The following MAD2L2 variants were observed in gnomAD, a reference collection of about 807,000 sequenced individuals.
MAD2L2 encodes the protein mitotic spindle assembly checkpoint protein MAD2B.
Under a neutral mutation model 30.5 loss-of-function variants are expected in MAD2L2, and 17 were observed. That is an observed-to-expected ratio of 0.56 (90% CI 0.38 to 0.84). The LOEUF is 0.84. Among genes scored for constraint, MAD2L2 ranks in the 40% least tolerant of loss-of-function variants. The pLI, the probability that MAD2L2 is intolerant of heterozygous loss-of-function variation, is 0.00. For missense variants in MAD2L2, 213 were observed against 277.4 expected, an observed-to-expected ratio of 0.77 and a Z score of 1.65; for synonymous variants, 101 against 113.9, an observed-to-expected ratio of 0.89 and a Z score of 0.72.
chr1:11,685,755 G>A (rs1459119087), upstream of MAD2L2, among the ~76,000 whole-genome samples: 8 of 152,004 alleles, frequency 5.3e-5, no homozygotes, highest in African/African-American at 1.7e-4. Flanking sequence ...TCAGGACTTC[G>A]AGACCAGCCT....
upstream of MAD2L2, among the ~76,000 whole-genome samples, chr1:11,685,255 G>C (rs1640939223): frequency 1.3e-5 from 2 of 152,106 alleles, no homozygotes; most frequent in Non-Finnish European, 2.9e-5. Context: ...CAGCAAATGT[G>C]TGTCAAATGA....
chr1:11,684,583 C>T (rs1285150946), upstream of MAD2L2, among the ~76,000 whole-genome samples: 1 of 152,098 alleles, frequency 6.6e-6, no homozygotes, highest in African/African-American at 2.4e-5. Flanking sequence ...AAGAGGAAGA[C>T]CTGCTCGGGC....
At chr1:11,675,046 C>G (rs1640733748) in intron 8 of MAD2L2, 36 bp downstream of exon 8, 1 of 1,527,292 alleles carries the variant, frequency 6.5e-7, no homozygotes, top group Admixed American at 1.9e-5. Flanking sequence ...TTAAGCAGCC[C>G]CTAAATAAAG....
At position 11,674,767 on chromosome 1, in the gene MAD2L2, G is replaced by A. The variant is rs749227342; in HGVS notation, c.*8C>T. ...AGTTTGGGCATCAGTGGGGTGGCAG[G>A]TGCCCCCTCAGCTGCCTTTATGAGC... On this transcript the variant is annotated 3_prime_UTR_variant, in exon 9 of 9. Coordinates refer to ENST00000376692, the MANE Select transcript of MAD2L2 (RefSeq NM_006341.4). This position sits in a 1 kb window ranked among gnomAD's most constrained non-coding sequence, Gnocchi z 6.1. The A allele has an allele frequency of 1.2e-6, 2 of 1,613,438 alleles. No individual in the cohort carries two copies. The highest frequency in any genetic ancestry group is 1.7e-6 in the Non-Finnish European group (2 of 1,179,792).
chr1:11,681,786 T>A (rs1640885940), upstream of MAD2L2: 1 of 152,184 alleles, frequency 6.6e-6, no homozygotes, highest in Non-Finnish European at 1.5e-5. Context: ...AGTGTGTCCG[T>A]GGATTATCTC....
chr1:11,679,983 AG>A (rs756502147), intron 3 of MAD2L2, among the ~76,000 whole-genome samples: 4 of 88,352 alleles, frequency 4.5e-5, no homozygotes, highest in Non-Finnish European at 6.8e-5. Flanking sequence ...GAAGTGGAAG[AG>A]GTTTTTTTTT....
intron 5 of MAD2L2, 119 bp downstream of exon 5, chr1:11,676,729 C>T: frequency 1.3e-6 from 1 of 766,118 alleles, no homozygotes. Flanking sequence ...GCTGGTGCTT[C>T]TTGCCCTTTC....
chr1:11,688,659 C>T lies in MAD2L2; in HGVS notation c.-692+2754G>A, dbSNP rs1641005919. On this transcript the variant is annotated intron_variant, in intron 1 of 10. Coordinates refer to the MAD2L2 transcript ENST00000235310. The surrounding 1 kb of genome is among the most constrained non-coding windows in gnomAD (Gnocchi z 4.6). ...GGTCCCTCTAAAAAGCTCAAGTCCTCCCTGTGGCCTTTGCAGGCTCACATT... is the reference window on the plus strand; with the variant it reads ...GGTCCCTCTAAAAAGCTCAAGTCCTTCCTGTGGCCTTTGCAGGCTCACATT... Among the ~76,000 whole-genome samples the T allele has an allele frequency of 6.6e-6, 1 of 152,218 alleles. No individual in the cohort carries two copies.
chr1:11,680,645 C>CAAGGG, intron 1 of MAD2L2, 32 bp from the exon 2 acceptor site: 4 of 1,520,002 alleles, frequency 2.6e-6, no homozygotes, highest in Non-Finnish European at 3.5e-6. Context: ...GAGGGTAGTT[C>CAAGGG]CAGAGACCCA....
In MAD2L2 at chr1:11,674,984, C is replaced by G. The variant is rs572419751; in HGVS notation, c.594+98G>C. On this transcript the variant is annotated intron_variant, in intron 8 of 8. Coordinates refer to ENST00000376692, the MANE Select transcript of MAD2L2 (RefSeq NM_006341.4). This position sits in a 1 kb window ranked among gnomAD's most constrained non-coding sequence, Gnocchi z 6.1. The stretch of plus-strand genomic sequence containing the variant: ...AGGAGCCCTCCACCAGGCACTCCCC[C>G]GTTCTCTCCCGCAAGCCCTCTAGTA... The G allele has an allele frequency of 7.0e-6, 9 of 1,277,046 alleles. No individual in the cohort carries two copies. The East Asian group carries it at 9.4e-5, about 13-fold the overall frequency. The allele number at this position is 1,277,046 out of a possible 1,614,324, so 79.1% of individuals were successfully genotyped here. A position where few individuals can be genotyped will look rare whatever the true frequency, so the allele number is the denominator to read the frequency against.
intron 4 of MAD2L2, 46 bp from the exon 5 acceptor site, chr1:11,676,994 G>T (rs2294638): frequency 4.3e-6 from 6 of 1,403,928 alleles, no homozygotes; most frequent in Non-Finnish European, 6.1e-6. Context: ...ACCCCACCCC[G>T]ACTACACCAC....
At chr1:11,680,507 A>T (rs1327250859) in intron 2 of MAD2L2, 36 bp from the exon 3 acceptor site, 9 of 1,611,184 alleles carry the variant, frequency 5.6e-6, no homozygotes, top group African/African-American at 1.3e-5. Context: ...GCGCTCGAGG[A>T]AGCCCGCCGG....
chr1:11,681,709 C>G (rs1226893284), upstream of MAD2L2: 1 of 152,328 alleles, frequency 6.6e-6, no homozygotes, highest in Non-Finnish European at 1.5e-5. Context: ...TGAACCCTCC[C>G]CGCCCTACGC....
chr1:11,685,595 T>C (rs1322709135), upstream of MAD2L2, among the ~76,000 whole-genome samples: 3 of 152,144 alleles, frequency 2.0e-5, no homozygotes, highest in Non-Finnish European at 4.4e-5. Flanking sequence ...GGCATAATGG[T>C]AGTTCTAATT....
intron 3 of MAD2L2, among the ~76,000 whole-genome samples, chr1:11,678,455 A>G (rs976294361): frequency 3.9e-5 from 6 of 152,202 alleles, no homozygotes; most frequent in Non-Finnish European, 8.8e-5. Context: ...TGAGCATTTA[A>G]TATACCATTA....
chr1:11,676,118 C>T lies in MAD2L2; in HGVS notation c.355G>A (p.Val119Met). ...ATGAAGGCCCGGAGCAGCTGCTCCA[C>T]ATGAGACAACAGCGAGTCTGAGCTG... ...SISSDSLLSH[V>M]EQLLRAFILK... The change falls in exon 6 of 9, where the codon GTG becomes ATG. Residue 119 changes from valine (V) to methionine (M), a missense_variant. Transcript: ENST00000376692. 6.2e-7 allele frequency: 1 copy of T among 1,607,252 alleles called. No individual in the cohort carries two copies. The highest frequency in any genetic ancestry group is 8.5e-7 in the Non-Finnish European group (1 of 1,175,716).
chr1:11,690,381 G>A lies in MAD2L2; in HGVS notation c.-692+1032C>T, dbSNP rs145194868. ...TAATAATATCACGGTAACAATGGCA[G>A]CTAATTTTACAGGAGCATTTCCTAT... On this transcript the variant is annotated intron_variant, in intron 1 of 10. Transcript: ENST00000235310. The surrounding 1 kb of genome is among the most constrained non-coding windows in gnomAD (Gnocchi z 4.2). Among the ~76,000 whole-genome samples the A allele has an allele frequency of 3.0e-3, 456 of 152,250 alleles. No homozygotes were observed. The highest frequency in any genetic ancestry group is 6.8e-3 in the Middle Eastern group (2 of 294).
upstream of MAD2L2, among the ~76,000 whole-genome samples, chr1:11,684,186 AG>A (rs1030538433): frequency 2.1e-4 from 31 of 144,662 alleles, no homozygotes; most frequent in Non-Finnish European, 4.6e-4. Flanking sequence ...GGGCAGGGGC[AG>A]GGGGCCGAGT....
chr1:11,680,693 TC>T, intron 1 of MAD2L2, 80 bp from the exon 2 acceptor site: 1 of 1,489,318 alleles, frequency 6.7e-7, no homozygotes, highest in Admixed American at 2.4e-5. Context: ...GTCTCTTCCC[TC>T]CCCACAGTCT....
Sources: gnomAD v4.1 joint callset for allele counts (sites outside exome capture counted in the v4.1 genomes callset) on GRCh38, gnomAD v4.1.1 for gene constraint, Gnocchi (gnomAD v3.1) non-coding constraint, MANE v1.5 for transcripts, NCBI Gene and HGNC (gene_info 2026-07-23, HGNC 2026-07-21) for gene names.